The following MIER1 variants were observed in gnomAD, a reference collection of about 807,000 sequenced individuals.
The protein encoded by MIER1 is mesoderm induction early response protein 1.
MIER1 carries 40 observed loss-of-function variants against 75.7 expected under a neutral mutation model. The observed-to-expected ratio is 0.53, with a 90% confidence interval of 0.41 to 0.69. The LOEUF is 0.69. Ranked by LOEUF, MIER1 falls within the 30% of genes least tolerant of loss-of-function variation. The probability of loss-of-function intolerance (pLI) is 0.00; values close to 1 mark genes in which losing one functional copy is unlikely to be tolerated. For synonymous variants in MIER1, 213 were observed against 223.4 expected (o/e 0.95, Z 0.42); for missense variants, 574 against 680.2 (o/e 0.84, Z 1.74).
intron 1 of MIER1, chr1:66,925,590 G>A: frequency 6.2e-6 from 6 of 972,842 alleles, no homozygotes; most frequent in Non-Finnish European, 7.3e-6. Flanking sequence ...GGAGGGAGGA[G>A]AGACTCGAAT....
At chr1:66,953,331 C>T (rs1324362934) in intron 4 of MIER1, among the ~76,000 whole-genome samples, 2 of 152,184 alleles carry the variant, frequency 1.3e-5, no homozygotes, top group Non-Finnish European at 2.9e-5. Context: ...AGCAGGAACA[C>T]AAATACATGC....
intron 7 of MIER1, among the ~76,000 whole-genome samples, chr1:66,960,949 G>GA (rs1661131328): frequency 6.6e-6 from 1 of 151,704 alleles, no homozygotes; most frequent in Admixed American, 6.6e-5. Flanking sequence ...AACATGTGTT[G>GA]TTTTTTAATC....
At chr1:66,958,765 T>C (rs1660666609) in intron 5 of MIER1, 86 bp from the exon 6 acceptor site, 1 of 1,158,166 alleles carries the variant, frequency 8.6e-7, no homozygotes, top group African/African-American at 1.6e-5. Context: ...CTTCTGCATA[T>C]ATTAGAACAA....
intron 3 of MIER1, 45 bp from the exon 4 acceptor site, chr1:66,946,105 C>CATTAATAATAATATAA: frequency 6.5e-7 from 1 of 1,542,400 alleles, no homozygotes; most frequent in Non-Finnish European, 8.7e-7. Flanking sequence ...TTAATAAGAT[C>CATTAATAATAATATAA]CACTTAATTT....
At chr1:66,972,106 T>TA (rs1163724232) in intron 10 of MIER1, among the ~76,000 whole-genome samples, 1 of 151,294 alleles carries the variant, frequency 6.6e-6, no homozygotes, top group East Asian at 1.9e-4. Flanking sequence ...TGAACTAAAG[T>TA]AACTTGGCGA....
chr1:66,957,666 G>C (rs1038142746), intron 4 of MIER1, among the ~76,000 whole-genome samples: 3 of 124,836 alleles, frequency 2.4e-5, no homozygotes, highest in Admixed American at 1.9e-4. Flanking sequence ...TTAACTTATA[G>C]TCTATTTCTC....
At chr1:66,969,661 T>C (rs1247239964) in intron 8 of MIER1, among the ~76,000 whole-genome samples, 2 of 152,124 alleles carry the variant, frequency 1.3e-5, no homozygotes, top group African/African-American at 4.8e-5. Flanking sequence ...AGTTATTCTT[T>C]GTCTCTTAAA....
In MIER1 at chr1:66,984,829, G is replaced by T. The variant is rs1004501920; in HGVS notation, c.1627G>T (p.Gly543Cys). ...RVNSNGKESP[G>C]SSEFFQEAVS... The stretch of plus-strand genomic sequence containing the variant: ...AAACAGCAATGGAAAAGAAAGTCCA[G>T]GTTCTTCTGAATTTTTCCAAGAAGC... The change falls in exon 14 of 14, where the codon GGT becomes TGT. Residue 543 changes from glycine to cysteine, a missense_variant. Coordinates refer to ENST00000401041, the MANE Select transcript of MIER1 (RefSeq NM_001077700.3). 5 of 1,611,032 alleles carry T rather than the reference G, an allele frequency of 3.1e-6. No homozygotes were observed. In the African/African-American group the frequency reaches 6.7e-5, roughly 22 times the overall value.
intron 4 of MIER1, among the ~76,000 whole-genome samples, chr1:66,948,812 T>C (rs990295243): frequency 1.3e-5 from 2 of 152,136 alleles, no homozygotes; most frequent in Non-Finnish European, 2.9e-5. Context: ...GGTGGGAGGA[T>C]TGCTGGGGTC....
intron 12 of MIER1, among the ~76,000 whole-genome samples, chr1:66,981,577 G>A (rs755578752): frequency 2.0e-5 from 3 of 152,040 alleles, no homozygotes; most frequent in Non-Finnish European, 2.9e-5. Flanking sequence ...CTTTAAAGCC[G>A]TTATGCATTT....
At chr1:66,950,030 T>A (rs553338934) in intron 4 of MIER1, among the ~76,000 whole-genome samples, 1 of 152,228 alleles carries the variant, frequency 6.6e-6, no homozygotes, top group African/African-American at 2.4e-5. Context: ...ATTGGGTGTA[T>A]AGGTTATTAT....
chr1:66,943,663 T>C (rs1656785410), intron 3 of MIER1, among the ~76,000 whole-genome samples: 1 of 152,114 alleles, frequency 6.6e-6, no homozygotes, highest in African/African-American at 2.4e-5. Context: ...CAAGCAGTCC[T>C]CCTGCCTTGG....
At position 66,985,772 on chromosome 1, in the gene MIER1, T is replaced by C. The variant is rs966785171; in HGVS notation, c.*872T>C. ...GTGTTTGTGTAGTAATTAAGTCATA[T>C]TTCTTATCCAGGTGGTTAAAGCATT... On this transcript the variant is annotated 3_prime_UTR_variant, in exon 14 of 14. Coordinates refer to ENST00000401041, the MANE Select transcript of MIER1 (RefSeq NM_001077700.3). 2 of 948,862 alleles carry C rather than the reference T, an allele frequency of 2.1e-6. No homozygotes were observed. The highest frequency in any genetic ancestry group is 2.5e-6 in the Non-Finnish European group (2 of 797,024). 58.8% of individuals were successfully genotyped at this position (948,862 alleles called of 1,614,324 possible).
chr1:66,975,857 G>C (rs1664599636), intron 11 of MIER1, among the ~76,000 whole-genome samples: 1 of 152,096 alleles, frequency 6.6e-6, no homozygotes, highest in Non-Finnish European at 1.5e-5. Context: ...GTTGCTGTTG[G>C]GACTAGTAAG....
chr1:66,946,506 A>G (rs1657680489), intron 4 of MIER1: 2 of 1,257,448 alleles, frequency 1.6e-6, no homozygotes, highest in Non-Finnish European at 1.0e-6. Flanking sequence ...GAATTCACAT[A>G]GTTACTTTGG....
intron 2 of MIER1, among the ~76,000 whole-genome samples, chr1:66,931,025 C>T (rs572425356): frequency 2.7e-4 from 41 of 152,128 alleles, no homozygotes; most frequent in African/African-American, 9.2e-4. Flanking sequence ...AGCTGCTTTT[C>T]CACCTCCCCC....
In MIER1 at chr1:66,973,698, T is replaced by C. The variant is rs935042545; in HGVS notation, c.1101+707T>C. Reference sequence around the variant, plus strand: ...ATATAGAATAGAAAAATGTGTTGTTTCCATGAGCAACACATTAGGACAACA... The same window carrying C: ...ATATAGAATAGAAAAATGTGTTGTTCCCATGAGCAACACATTAGGACAACA... On this transcript the variant is annotated intron_variant, in intron 11 of 13. Coordinates refer to ENST00000401041, the MANE Select transcript of MIER1 (RefSeq NM_001077700.3). Among the ~76,000 whole-genome samples the C allele has an allele frequency of 4.6e-5, 7 of 152,222 alleles. No individual in the cohort carries two copies. The East Asian group carries it at 1.4e-3, about 29-fold the overall frequency.
chr1:66,977,497 T>G (rs1397309426), intron 12 of MIER1, among the ~76,000 whole-genome samples: 1 of 152,206 alleles, frequency 6.6e-6, no homozygotes, highest in Non-Finnish European at 1.5e-5. Flanking sequence ...ACAAGTAATA[T>G]TTAAGAATTA....
chr1:66,954,493 C>T (rs1350623223), intron 4 of MIER1, among the ~76,000 whole-genome samples: 1 of 152,092 alleles, frequency 6.6e-6, no homozygotes, highest in African/African-American at 2.4e-5. Flanking sequence ...GGGTGACTGG[C>T]TTATTCATTT....
Sources: gnomAD v4.1 joint callset for allele counts (sites outside exome capture counted in the v4.1 genomes callset) on GRCh38, gnomAD v4.1.1 for gene constraint, MANE v1.5 for transcripts, NCBI Gene and HGNC (gene_info 2026-07-23, HGNC 2026-07-21) for gene names.